The following C10orf143 variants were observed in gnomAD, a reference collection of about 807,000 sequenced individuals.
C10orf143 encodes the protein chromosome 10 open reading frame 143, also known as uncharacterized protein C10orf143.
At chr10:130,049,593 G>A (rs944308776) in intron 3 of C10orf143, among the ~76,000 whole-genome samples, 3 of 152,190 alleles carry the variant, frequency 2.0e-5, no homozygotes, top group Admixed American at 1.3e-4. Flanking sequence ...CACTCAGACC[G>A]GTGGGTGCTC....
Position 130,049,248 on chromosome 10 carries a change from C to T in C10orf143, c.298-13278G>A, listed in dbSNP as rs569218347. On this transcript the variant is annotated intron_variant and NMD_transcript_variant, in intron 3 of 5. Transcript: ENST00000643056. ...CATCCACAGGGAAATCATCCAGTGG[C>T]GATCATGGAGACAGCAGGCATCTTT... Among the ~76,000 whole-genome samples, 8 of 152,300 alleles carry T rather than the reference C, an allele frequency of 5.3e-5. No individual in the cohort carries two copies. In the East Asian group the frequency reaches 5.8e-4, roughly 11 times the overall value.
intron 3 of C10orf143, among the ~76,000 whole-genome samples, chr10:130,071,489 A>G (rs1861031950): frequency 6.6e-6 from 1 of 152,172 alleles, no homozygotes; most frequent in African/African-American, 2.4e-5. Context: ...CCATTTATTT[A>G]CTGGACTGAT....
chr10:130,047,207 G>C (rs1251079196), intron 3 of C10orf143, among the ~76,000 whole-genome samples: 1 of 152,212 alleles, frequency 6.6e-6, no homozygotes, highest in East Asian at 1.9e-4. Context: ...CTCTGGACCT[G>C]GTGTTATCAT....
chr10:130,105,468 C>T (rs1590037641), intron 1 of C10orf143, among the ~76,000 whole-genome samples: 1 of 152,126 alleles, frequency 6.6e-6, no homozygotes, highest in African/African-American at 2.4e-5. Context: ...CGGTGTCTCA[C>T]GCCTGTAATC....
chr10:130,086,877 G>C (rs76501201), intron 1 of C10orf143, among the ~76,000 whole-genome samples: 5,811 of 152,274 alleles, frequency 0.038, 301 homozygotes, highest in East Asian at 0.11. Flanking sequence ...TTTTCTGTGT[G>C]GTTGAATGGC....
At chr10:130,049,816 A>G (rs1304749070) in intron 3 of C10orf143, among the ~76,000 whole-genome samples, 1 of 152,232 alleles carries the variant, frequency 6.6e-6, no homozygotes, top group Admixed American at 6.5e-5. Flanking sequence ...CACCAAAATA[A>G]CAATTAGGGA....
At chr10:130,076,092 G>T (rs142073311) in intron 3 of C10orf143, among the ~76,000 whole-genome samples, 1 of 151,484 alleles carries the variant, frequency 6.6e-6, no homozygotes, top group African/African-American at 2.4e-5. Flanking sequence ...AGGTTCAAGC[G>T]ATTTTCCTGC....
intron 1 of C10orf143, among the ~76,000 whole-genome samples, chr10:130,091,061 A>C (rs1564966330): frequency 6.6e-6 from 1 of 152,152 alleles, no homozygotes; most frequent in African/African-American, 2.4e-5. Context: ...CACAGCACTC[A>C]AGCTCTGCTA....
At chr10:130,060,810 G>A (rs1472187542), downstream of C10orf143, among the ~76,000 whole-genome samples, 59 of 116,930 alleles carry the variant, frequency 5.0e-4, no homozygotes, top group African/African-American at 1.7e-3. Context: ...GTGACAGAGC[G>A]AGACTCCGTC....
In C10orf143 at chr10:130,037,726, T is replaced by C. The variant is rs1589999118; in HGVS notation, c.298-1756A>G. On this transcript the variant is annotated intron_variant and NMD_transcript_variant, in intron 3 of 5. Coordinates refer to the C10orf143 transcript ENST00000643056. ...TAATATCAGACCCATACGTGACAAC[T>C]GTCAGACAATCGGTCAACAAGGGGC... is the stretch of plus-strand genomic sequence containing the variant. Among the ~76,000 whole-genome samples, 4 of 152,234 alleles carry C rather than the reference T, an allele frequency of 2.6e-5. No individual in the cohort carries two copies. The South Asian group carries it at 8.3e-4, about 31-fold the overall frequency.
chr10:130,076,803 T>C (rs970116586), intron 3 of C10orf143, among the ~76,000 whole-genome samples: 64 of 152,288 alleles, frequency 4.2e-4, no homozygotes, highest in African/African-American at 1.5e-3. Context: ...GATCCGGGAA[T>C]GGAAGCCTGC....
At chr10:130,067,411 A>G (rs1270335003) in intron 3 of C10orf143, 1 of 151,980 alleles carries the variant, frequency 6.6e-6, no homozygotes, top group African/African-American at 2.4e-5. Context: ...GGAGGAGAGA[A>G]CTGCACCCCA....
chr10:130,064,312 C>T lies in C10orf143; in HGVS notation c.*42G>A. On this transcript the variant is annotated 3_prime_UTR_variant, in exon 4 of 4. Coordinates refer to ENST00000637128, the MANE Select transcript of C10orf143 (RefSeq NM_001355042.2). ...CACATTTGCTGCAACATGAAGGGTT[C>T]AAAACCAAAACTGGGACCTTCTTTT... 1 of 398,492 alleles carries T rather than the reference C, an allele frequency of 2.5e-6. No homozygotes were observed. Among genetic ancestry groups the T allele is most frequent in the Non-Finnish European group, 4.4e-6 (1 of 226,012 alleles). 24.7% of individuals were successfully genotyped at this position (398,492 alleles called of 1,614,324 possible). A position where few individuals can be genotyped will look rare whatever the true frequency, so the allele number is the denominator to read the frequency against.
chr10:130,044,190 C>T (rs915675810), intron 3 of C10orf143, among the ~76,000 whole-genome samples: 5 of 152,186 alleles, frequency 3.3e-5, no homozygotes, highest in Non-Finnish European at 7.3e-5. Flanking sequence ...CCCTGAGGAG[C>T]CACCCACTGG....
rs1381623571 is a variant in C10orf143 at position 130,064,378 on chromosome 10, A to G, written c.303T>C (p.His101=). 5 of 398,584 alleles carry G rather than the reference A, an allele frequency of 1.3e-5. No individual in the cohort carries two copies. Among genetic ancestry groups the G allele is most frequent in the South Asian group, 1.3e-4 (1 of 7,866 alleles). The allele number at this position is 398,584 out of a possible 1,614,324, so 24.7% of individuals were successfully genotyped here. The change falls in exon 4 of 4, where the codon CAT becomes CAC. Residue 101 remains histidine (H), a synonymous_variant. Coordinates refer to ENST00000637128, the MANE Select transcript of C10orf143 (RefSeq NM_001355042.2). The part of the protein sequence containing the change: ...CPRCIAGESG[H]FSHTKNH ...TCTAATGATTCTTGGTATGGCTAAA[A>G]TGTCCCTACAAAGATAAAACAGCAC...
At chr10:130,057,618 A>G (rs1315337491) in intron 3 of C10orf143, among the ~76,000 whole-genome samples, 3 of 141,770 alleles carry the variant, frequency 2.1e-5, no homozygotes, top group African/African-American at 8.0e-5. Context: ...CAGCCTCTCC[A>G]CGAGGCCTGT....
chr10:130,108,387 C>T (rs773837911), intron 1 of C10orf143: 7 of 1,050,578 alleles, frequency 6.7e-6, no homozygotes, highest in Non-Finnish European at 1.1e-5. Flanking sequence ...AGTGAGTTCC[C>T]TTCAGGGCTG....
rs898881770 is a variant in C10orf143 at position 130,079,849 on chromosome 10, T to C, written c.122A>G (p.Gln41Arg). The C allele has an allele frequency of 5.0e-6, 2 of 398,536 alleles. No individual in the cohort carries two copies. Among genetic ancestry groups the C allele is most frequent in the Admixed American group, 4.4e-5 (1 of 22,722 alleles). The allele number at this position is 398,536 out of a possible 1,614,324, so 24.7% of individuals were successfully genotyped here. The change falls in exon 2 of 4, where the codon CAG (glutamine) becomes CGG (arginine). Residue 41 changes from glutamine (Q) to arginine (R), a missense_variant. Physicochemically the swap from Gln to Arg is conservative, Grantham distance 43. Transcript: ENST00000637128. The part of the protein sequence containing the change: ...EASGHERGCH[Q>R]VNACALASWG... ...GGACGCCAGGGCACAGGCATTCACC[T>C]GGTGGCAGCCACGCTCATGCCCACT...
intron 3 of C10orf143, among the ~76,000 whole-genome samples, chr10:130,078,881 T>C (rs1311822939): frequency 6.6e-6 from 1 of 152,214 alleles, no homozygotes; most frequent in Non-Finnish European, 1.5e-5. Context: ...TCCTGGTTTC[T>C]AGGTGGAATT....
Sources: gnomAD v4.1 joint callset for allele counts (sites outside exome capture counted in the v4.1 genomes callset) on GRCh38, gnomAD v4.1.1 for gene constraint, MANE v1.5 for transcripts, NCBI Gene and HGNC (gene_info 2026-07-23, HGNC 2026-07-21) for gene names.